The following FHIT variants were observed in gnomAD, a reference collection of about 807,000 sequenced individuals.
FHIT encodes fragile histidine triad diadenosine triphosphatase, also known as bis(5'-adenosyl)-triphosphatase.
Under a neutral mutation model 17.9 loss-of-function variants are expected in FHIT, and 19 were observed. That is an observed-to-expected ratio of 1.06 (90% CI 0.74 to 1.56). The LOEUF (loss-of-function observed/expected upper bound fraction) is 1.56, where lower values mean the gene tolerates loss of function less well. Ranked by LOEUF, FHIT falls within the 40% of genes most tolerant of loss-of-function variation. FHIT has a pLI of 0.00. For synonymous variants in FHIT, 81 were observed against 69.7 expected, an observed-to-expected ratio of 1.16 and a Z score of -0.81; for missense variants, 248 against 189.2, an observed-to-expected ratio of 1.31 and a Z score of -1.82.
At chr3:60,589,903 T>G (rs2038028558) in intron 4 of FHIT, among the ~76,000 whole-genome samples, 2 of 152,070 alleles carry the variant, frequency 1.3e-5, no homozygotes. Context: ...TTTATCATCT[T>G]CTTATGCATT....
intron 4 of FHIT, among the ~76,000 whole-genome samples, chr3:60,610,488 A>G (rs559334588): frequency 6.6e-6 from 1 of 152,282 alleles, no homozygotes; most frequent in Admixed American, 6.5e-5. Flanking sequence ...GCATTAATAA[A>G]ACTCTAAGTG....
At chr3:60,371,910 C>G (rs190177189) in intron 5 of FHIT, among the ~76,000 whole-genome samples, 1 of 149,840 alleles carries the variant, frequency 6.7e-6, no homozygotes. Context: ...TCTGTACATA[C>G]CTCATTACAA....
intron 4 of FHIT, among the ~76,000 whole-genome samples, chr3:60,682,401 A>G (rs1300526280): frequency 6.6e-6 from 1 of 152,218 alleles, no homozygotes; most frequent in Non-Finnish European, 1.5e-5. Flanking sequence ...TTCTTTTGTT[A>G]GCTGCTAACG....
Position 60,560,229 on chromosome 3 carries a change from A to G in FHIT, c.-17-23250T>C, listed in dbSNP as rs991147923. On this transcript the variant is annotated intron_variant, in intron 4 of 9. Coordinates refer to ENST00000492590, the MANE Select transcript of FHIT (RefSeq NM_002012.4). ...TGTGGTGTTAACTAATTAGTATACC[A>G]TATAGAAGTGCCTGTCTTGTATTAT... Among the ~76,000 whole-genome samples the G allele has an allele frequency of 1.2e-4, 18 of 152,282 alleles. 1 individual carries two copies. The highest frequency in any genetic ancestry group is 7.8e-4 in the Admixed American group (12 of 15,292).
At chr3:60,166,242 G>T (rs1576236223) in intron 5 of FHIT, among the ~76,000 whole-genome samples, 1 of 152,066 alleles carries the variant, frequency 6.6e-6, no homozygotes, top group Non-Finnish European at 1.5e-5. Context: ...TTAACCAGGG[G>T]TGTTAGGAAC....
At chr3:60,591,072 A>G (rs1418219630) in intron 4 of FHIT, among the ~76,000 whole-genome samples, 1 of 152,130 alleles carries the variant, frequency 6.6e-6, no homozygotes, top group Non-Finnish European at 1.5e-5. Context: ...CAGGATTAGA[A>G]TATGTTCAGC....
rs72886284 is a variant in FHIT at position 60,862,039 on chromosome 3, C to G, written c.-110-40028G>C. ...CCCAAATATCTGGGTCTAGGAATTT[C>G]AATGTGTCTAACAAATGCTTATAGA... On this transcript the variant is annotated intron_variant, in intron 3 of 9. Transcript: ENST00000492590. Among the ~76,000 whole-genome samples, 1,276 of 151,820 alleles carry G rather than the reference C, an allele frequency of 8.4e-3. 19 individuals carry two copies. The highest frequency in any genetic ancestry group is 0.028 in the African/African-American group (1,162 of 41,364).
chr3:60,571,335 C>CAAAAAAAAAAAAAAAA (rs56094072), intron 4 of FHIT, among the ~76,000 whole-genome samples: 15 of 54,668 alleles, frequency 2.7e-4, no homozygotes, highest in Admixed American at 5.8e-4. Flanking sequence ...GACTCCATCG[C>CAAAAAAAAAAAAAAAA]AAAAAAAAAA....
chr3:61,019,559 C>T (rs1028612523), intron 3 of FHIT, among the ~76,000 whole-genome samples: 2 of 152,168 alleles, frequency 1.3e-5, no homozygotes, highest in Admixed American at 6.5e-5. Flanking sequence ...TTTAGTGGCA[C>T]CTAATGAGGT....
intron 4 of FHIT, among the ~76,000 whole-genome samples, chr3:60,557,713 A>G (rs1281108635): frequency 1.3e-5 from 2 of 151,960 alleles, no homozygotes; most frequent in Non-Finnish European, 2.9e-5. Flanking sequence ...GGCAACTCTC[A>G]TTGCCACGTG....
At chr3:60,045,862 G>C (rs1011769418) in intron 5 of FHIT, among the ~76,000 whole-genome samples, 2 of 152,194 alleles carry the variant, frequency 1.3e-5, no homozygotes, top group African/African-American at 4.8e-5. Flanking sequence ...CGCTTGGAAA[G>C]GCATGGTGAG....
At chr3:60,298,878 T>C (rs1708327985) in intron 5 of FHIT, among the ~76,000 whole-genome samples, 1 of 152,096 alleles carries the variant, frequency 6.6e-6, no homozygotes, top group African/African-American at 2.4e-5. Context: ...ACTTCTGGCT[T>C]TTTTCTTGTA....
chr3:60,292,103 C>G lies in FHIT; in HGVS notation c.103+244757G>C, dbSNP rs534259302. On this transcript the variant is annotated intron_variant, in intron 5 of 9. Transcript: ENST00000492590. ...TAGACGTGAGAGCCACCACTTGAAG[C>G]TGTGGCGCCAACCTTGCCAGGTGAA... Among the ~76,000 whole-genome samples the G allele has an allele frequency of 4.9e-4, 74 of 152,172 alleles. 1 individual carries two copies. The South Asian group carries it at 0.01, about 21-fold the overall frequency.
chr3:60,857,026 C>A (rs1296860397), intron 3 of FHIT, among the ~76,000 whole-genome samples: 1 of 152,128 alleles, frequency 6.6e-6, no homozygotes, highest in African/African-American at 2.4e-5. Context: ...ATACTCATCA[C>A]ACTTGTGATT....
intron 3 of FHIT, among the ~76,000 whole-genome samples, chr3:61,005,391 G>A (rs1351290032): frequency 2.0e-5 from 3 of 152,026 alleles, no homozygotes; most frequent in African/African-American, 7.2e-5. Context: ...ATGATGAGGA[G>A]GAGCAGGATG....
At chr3:60,446,857 A>AAAT (rs144268974) in intron 5 of FHIT, among the ~76,000 whole-genome samples, 24,036 of 138,828 alleles carry the variant, frequency 0.17, 2,319 homozygotes, top group Non-Finnish European at 0.22. Flanking sequence ...TATCTCATTA[A>AAAT]AATAATAATA....
At chr3:60,327,599 G>A (rs190466868) in intron 5 of FHIT, among the ~76,000 whole-genome samples, 1 of 152,154 alleles carries the variant, frequency 6.6e-6, no homozygotes, top group Non-Finnish European at 1.5e-5. Context: ...TATTATGAAT[G>A]AATGTGATAA....
intron 5 of FHIT, among the ~76,000 whole-genome samples, chr3:60,265,625 A>G (rs1706535468): frequency 6.6e-6 from 1 of 152,066 alleles, no homozygotes; most frequent in Non-Finnish European, 1.5e-5. Context: ...CATCATTAAT[A>G]AAGTGAGAAG....
rs188992058 is a variant in FHIT at position 60,918,052 on chromosome 3, C to T, written c.-110-96041G>A. 5.1e-3 allele frequency among the ~76,000 whole-genome samples: 780 copies of T among 152,268 alleles called. 7 individuals carry two copies. Among genetic ancestry groups the T allele is most frequent in the Non-Finnish European group, 6.7e-3 (457 of 68,014 alleles). ...GATAATTGAATCATGGGGGCACTTCCACCCATACTGTTCTCGTGGTAGTAA... is the reference window on the plus strand; with the variant it reads ...GATAATTGAATCATGGGGGCACTTCTACCCATACTGTTCTCGTGGTAGTAA... On this transcript the variant is annotated intron_variant, in intron 3 of 9. Coordinates refer to ENST00000492590, the MANE Select transcript of FHIT (RefSeq NM_002012.4).
Sources: gnomAD v4.1 joint callset for allele counts (sites outside exome capture counted in the v4.1 genomes callset) on GRCh38, gnomAD v4.1.1 for gene constraint, MANE v1.5 for transcripts, NCBI Gene and HGNC (gene_info 2026-07-23, HGNC 2026-07-21) for gene names.